Variants in IL18RAP observed in about 807,000 individuals in gnomAD.
IL18RAP encodes interleukin 18 receptor accessory protein, also known as interleukin-18 receptor accessory protein.
IL18RAP carries 37 observed loss-of-function variants against 58.1 expected under a neutral mutation model. The ratio of observed to expected loss-of-function variants is 0.64; its 90% CI spans 0.49 to 0.84. The LOEUF is 0.84. IL18RAP is among the 40% of genes least tolerant of loss of function. The pLI is 0.00. For synonymous variants in IL18RAP, 268 were observed against 257.5 expected, an observed-to-expected ratio of 1.04 and a Z score of -0.39; for missense variants, 667 against 704.8, an observed-to-expected ratio of 0.95 and a Z score of 0.61.
intron 4 of IL18RAP, among the ~76,000 whole-genome samples, chr2:102,438,143 C>T (rs1005353711): frequency 5.3e-5 from 8 of 152,108 alleles, no homozygotes; most frequent in African/African-American, 1.4e-4. Context: ...GGCTTTCTTC[C>T]GCAACTTGTC....
upstream of IL18RAP, among the ~76,000 whole-genome samples, chr2:102,420,414 T>A (rs1012199867): frequency 6.6e-6 from 1 of 152,198 alleles, no homozygotes; most frequent in Non-Finnish European, 1.5e-5. Flanking sequence ...ATAATCAAGA[T>A]GATTTGAGAA....
intron 4 of IL18RAP, among the ~76,000 whole-genome samples, chr2:102,440,783 G>GTTTGACAGTGGAGGCATA (rs1216233022): frequency 1.3e-5 from 2 of 152,196 alleles, no homozygotes; most frequent in African/African-American, 4.8e-5. Flanking sequence ...TCAGGAGGAA[G>GTTTGACAGTGGAGGCATA]TTTGACAGTG....
chr2:102,437,642 G>C (rs1394182660), intron 4 of IL18RAP, among the ~76,000 whole-genome samples: 2 of 152,118 alleles, frequency 1.3e-5, no homozygotes, highest in African/African-American at 2.4e-5. Flanking sequence ...TTCACACACA[G>C]AAATATTGTG....
At chr2:102,420,374 C>T (rs1046447219), upstream of IL18RAP, among the ~76,000 whole-genome samples, 1 of 152,174 alleles carries the variant, frequency 6.6e-6, no homozygotes, top group African/African-American at 2.4e-5. Flanking sequence ...CAAAAATCTG[C>T]ATTTGTAATA....
chr2:102,438,143 C>G (rs1005353711), intron 4 of IL18RAP, among the ~76,000 whole-genome samples: 1 of 152,108 alleles, frequency 6.6e-6, no homozygotes, highest in African/African-American at 2.4e-5. Flanking sequence ...GGCTTTCTTC[C>G]GCAACTTGTC....
chr2:102,421,249 T>C (rs1393160291), upstream of IL18RAP, among the ~76,000 whole-genome samples: 1 of 148,562 alleles, frequency 6.7e-6, no homozygotes, highest in Non-Finnish European at 1.5e-5. Context: ...TTAAAATGAG[T>C]AGCAAGAGAG....
At chr2:102,426,414 G>A (rs191265755) in intron 3 of IL18RAP, among the ~76,000 whole-genome samples, 1 of 134,974 alleles carries the variant, frequency 7.4e-6, no homozygotes, top group Non-Finnish European at 1.6e-5. Flanking sequence ...TTAAGAACAG[G>A]CTTGCAGATT....
intron 7 of IL18RAP, among the ~76,000 whole-genome samples, 186 bp downstream of exon 7, chr2:102,445,526 A>G (rs1258152731): frequency 6.6e-6 from 1 of 152,244 alleles, no homozygotes; most frequent in Admixed American, 6.5e-5. Flanking sequence ...AGTAAACTGC[A>G]TATTACTGGT....
At chr2:102,451,260 T>C (rs900546955) in intron 9 of IL18RAP, among the ~76,000 whole-genome samples, 2 of 152,208 alleles carry the variant, frequency 1.3e-5, no homozygotes, top group South Asian at 2.1e-4. Flanking sequence ...AGGACAAAGA[T>C]ACCTCTCCTG....
rs777147079 is a variant in IL18RAP, at chr2:102,423,316, A to C, written c.39A>C (p.Ala13=). 3 of 1,614,108 alleles carry C rather than the reference A, an allele frequency of 1.9e-6. No homozygotes were observed. In the South Asian group the frequency reaches 3.3e-5, roughly 18 times the overall value. The change falls in exon 1 of 10, where the codon GCA becomes GCC. Residue 13 remains alanine (A), a synonymous_variant. Transcript: ENST00000687160. ...CLGWIFLWLV[A]GERIKGFNIS... ...GCTGGATATTTCTTTGGCTTGTTGCAGGAGAGCGAATTAAAGGATTTAATA... is the reference window on the plus strand; with the variant it reads ...GCTGGATATTTCTTTGGCTTGTTGCCGGAGAGCGAATTAAAGGATTTAATA...
rs778457352 is a variant in IL18RAP at position 102,441,344 on chromosome 2, G to T, written c.763G>T (p.Asp255Tyr). 10 of 1,613,404 alleles carry T rather than the reference G, an allele frequency of 6.2e-6. No individual in the cohort carries two copies. The highest frequency in any genetic ancestry group is 2.2e-5 in the South Asian group (2 of 91,060). The stretch of plus-strand genomic sequence containing the variant: ...CACTAAACTCAAACCAGATATTCTG[G>T]ATCCTGTCGAGGACACACTGGAAGT... ...GDTKLKPDIL[D>Y]PVEDTLEVEL... Residue 255 changes from aspartate (D) to tyrosine (Y), a missense_variant, in exon 5 of 10, where the codon GAT becomes TAT. Asp to Tyr is a radical substitution (Grantham distance 160). Coordinates refer to ENST00000687160, the MANE Select transcript of IL18RAP (RefSeq NM_001393487.1).
intron 3 of IL18RAP, among the ~76,000 whole-genome samples, chr2:102,425,529 C>A (rs1181196722): frequency 6.6e-6 from 1 of 152,138 alleles, no homozygotes; most frequent in Non-Finnish European, 1.5e-5. Flanking sequence ...TCAATAAAAC[C>A]CTAATTTCAG....
rs1381345997 is a variant in IL18RAP at position 102,424,367 on chromosome 2, C to T, written c.532C>T (p.Leu178Phe). 3 of 1,614,060 alleles carry T rather than the reference C, an allele frequency of 1.9e-6. No individual in the cohort carries two copies. The highest frequency in any genetic ancestry group is 2.2e-5 in the South Asian group (2 of 91,084). ...GSTGSISCPSLSCQSDAQSPA... is the reference protein window; with the variant it reads ...GSTGSISCPSFSCQSDAQSPA... ...CACTGGCTCTATTTCTTGCCCCAGT[C>T]TCAGCTGCCAAAGTGATGCACAAAG... Residue 178 changes from leucine (L) to phenylalanine (F), a missense_variant, in exon 3 of 10, where the codon CTC becomes TTC. Leu to Phe is a conservative substitution (Grantham distance 22). Coordinates refer to ENST00000687160, the MANE Select transcript of IL18RAP (RefSeq NM_001393487.1).
In IL18RAP at chr2:102,437,355, A is replaced by G; in HGVS notation, c.723A>G (p.Arg241=). Residue 241 remains arginine (R), a synonymous_variant, in exon 4 of 10, where the codon AGA becomes AGG. Coordinates refer to ENST00000687160, the MANE Select transcript of IL18RAP (RefSeq NM_001393487.1). ...SWTVRAVVQV[R]TIVGDTKLKP... ...CAGTCAGAGCTGTTGTTCAAGTGAG[A>G]ACCATTGGTAAGTGAGATTTTTATC... 1 of 1,608,184 alleles carries G rather than the reference A, an allele frequency of 6.2e-7. No individual in the cohort carries two copies.
chr2:102,423,715 C>G (rs1277161706), intron 1 of IL18RAP, 96 bp from the exon 2 acceptor site: 2 of 878,280 alleles, frequency 2.3e-6, no homozygotes, highest in Admixed American at 2.6e-5. Context: ...CACAAGGAAG[C>G]TAGATCTCTT....
intron 3 of IL18RAP, among the ~76,000 whole-genome samples, chr2:102,435,734 A>G (rs1371415810): frequency 1.3e-5 from 2 of 152,206 alleles, no homozygotes; most frequent in Admixed American, 1.3e-4. Context: ...GTAGTATAAG[A>G]AATCGATAAT....
chr2:102,434,913 T>C (rs1240001980), intron 3 of IL18RAP: 6 of 152,226 alleles, frequency 3.9e-5, no homozygotes, highest in Non-Finnish European at 8.8e-5. Context: ...ATAAACCATC[T>C]GTTAAATAAT....
intron 8 of IL18RAP, among the ~76,000 whole-genome samples, chr2:102,448,110 A>G (rs938846578): frequency 4.6e-5 from 7 of 152,170 alleles, no homozygotes; most frequent in Admixed American, 1.3e-4. Flanking sequence ...TTTCTTGAGG[A>G]CTAGAGTGTA....
intron 3 of IL18RAP, among the ~76,000 whole-genome samples, chr2:102,435,866 C>T (rs1682702133): frequency 6.8e-6 from 1 of 146,060 alleles, no homozygotes; most frequent in Non-Finnish European, 1.5e-5. Flanking sequence ...TTTTGCATGC[C>T]TCCACTCTTT....
Sources: allele counts gnomAD v4.1 joint callset (sites outside exome capture counted in the v4.1 genomes callset), GRCh38; gene constraint gnomAD v4.1.1; transcripts MANE v1.5; gene names NCBI Gene and HGNC (gene_info 2026-07-23, HGNC 2026-07-21).